ARID3C: variants seen among roughly 807,000 people sequenced by gnomAD.
ARID3C encodes AT-rich interactive domain-containing protein 3C.
In ARID3C, 42 loss-of-function variants were observed where a neutral mutation model predicts 37.9. That is an observed-to-expected ratio of 1.11 (90% CI 0.87 to 1.43). The LOEUF (loss-of-function observed/expected upper bound fraction) is 1.43. ARID3C is among the 40% of genes most tolerant of loss of function. The pLI, the probability that ARID3C is intolerant of heterozygous loss-of-function variation, is 0.00. For missense variants in ARID3C, 581 were observed against 548.8 expected, an observed-to-expected ratio of 1.06 and a Z score of -0.59; for synonymous variants, 213 against 228.0, an observed-to-expected ratio of 0.93 and a Z score of 0.59.
chr9:34,623,591 C>T (rs1394190697), exon 4 of ARID3C: 1 of 1,608,622 alleles, frequency 6.2e-7, no homozygotes, highest in East Asian at 2.2e-5. Context: ...AGCCGAAGAG[C>T]GGAGTAGCGG....
At chr9:34,623,991 G>C in exon 3 of ARID3C, 4 of 1,603,316 alleles carry the variant, frequency 2.5e-6, no homozygotes, top group Non-Finnish European at 3.4e-6. Context: ...AGGCGAAACA[G>C]AGCGTACAGG....
At chr9:34,628,156 T>C (rs571700582), upstream of ARID3C, 28 of 1,184,774 alleles carry the variant, frequency 2.4e-5, no homozygotes, top group African/African-American at 2.8e-4. This position sits in a 1 kb window ranked among gnomAD's most constrained non-coding sequence, Gnocchi z 5.2. Context: ...GGGGAGGTGG[T>C]CATGGATTCA....
At chr9:34,628,894 G>T (rs112705561), upstream of ARID3C, among the ~76,000 whole-genome samples, 17,218 of 152,030 alleles carry the variant, frequency 0.11, 1,613 homozygotes, top group African/African-American at 0.25. The surrounding 1 kb of genome is among the most constrained non-coding windows in gnomAD (Gnocchi z 5.2). Flanking sequence ...CCCTCGCTCC[G>T]GGCGCCCCGC....
chr9:34,624,488 T>C (rs968313709), intron 2 of ARID3C, among the ~76,000 whole-genome samples: 1 of 152,250 alleles, frequency 6.6e-6, no homozygotes, highest in African/African-American at 2.4e-5. Context: ...TTTAGTTTGC[T>C]GTCCCCTGGG....
chr9:34,623,852 C>T lies in ARID3C; in HGVS notation c.575+12G>A, dbSNP rs1220406747. The T allele has an allele frequency of 5.1e-6, 8 of 1,582,410 alleles. No homozygotes were observed. Among genetic ancestry groups the T allele is most frequent in the South Asian group, 1.1e-5 (1 of 88,760 alleles). On this transcript the variant is annotated intron_variant, in intron 3 of 6. Coordinates refer to ENST00000378909, the Ensembl canonical transcript of ARID3C. ...GTGCCCCCTTCCCTTCCGCTCCCGC[C>T]CCTGGCCTCACTGGGTGCGTAGAGT...
chr9:34,632,333 G>A (rs1193449868), upstream of ARID3C, among the ~76,000 whole-genome samples: 1 of 152,178 alleles, frequency 6.6e-6, no homozygotes, highest in Non-Finnish European at 1.5e-5. Flanking sequence ...TGGAAGAAAA[G>A]CAAGGAGGCC....
rs904450391 is a variant in ARID3C at position 34,628,057 on chromosome 9, T to A, written c.-43A>T. 1 of 1,447,444 alleles carries A rather than the reference T, an allele frequency of 6.9e-7. No individual in the cohort carries two copies. Among genetic ancestry groups the A allele is most frequent in the Admixed American group, 2.8e-5 (1 of 35,390 alleles). The allele number at this position is 1,447,444 out of a possible 1,614,324, so 89.7% of individuals were successfully genotyped here. On this transcript the variant is annotated 5_prime_UTR_variant, in exon 1 of 7. Transcript: ENST00000378909. This position sits in a 1 kb window ranked among gnomAD's most constrained non-coding sequence, Gnocchi z 5.2. ...GTCCCCCAGCTGAGGGGGTCCCTGG[T>A]ACCAGGCGGGACCCCGAGGAAAGGG...
Position 34,627,912 on chromosome 9 carries a change from G to A in ARID3C, c.103C>T (p.His35Tyr). 1 of 1,558,724 alleles carries A rather than the reference G, an allele frequency of 6.4e-7. No individual in the cohort carries two copies. The highest frequency in any genetic ancestry group is 8.7e-7 in the Non-Finnish European group (1 of 1,150,748). Residue 35 changes from histidine to tyrosine, a missense_variant, in exon 1 of 7, where the codon CAC becomes TAC. His to Tyr is a moderately conservative substitution (Grantham distance 83). Transcript: ENST00000378909. The stretch of plus-strand genomic sequence containing the variant: ...CCCTCAGGGGCCTGTAGGGTCCGGT[G>A]GTCAGGCAGGGGAGGCTGCGGTGGC...
At chr9:34,628,633 G>A (rs549965070), upstream of ARID3C, among the ~76,000 whole-genome samples, 1 of 152,110 alleles carries the variant, frequency 6.6e-6, no homozygotes, top group African/African-American at 2.4e-5. The surrounding 1 kb of genome is among the most constrained non-coding windows in gnomAD (Gnocchi z 5.2). Context: ...AGACAGAGGC[G>A]GAGATAGACA....
chr9:34,631,316 G>T (rs1237568713), upstream of ARID3C, among the ~76,000 whole-genome samples: 1 of 152,142 alleles, frequency 6.6e-6, no homozygotes, highest in Admixed American at 6.5e-5. Flanking sequence ...CCACTTTTGG[G>T]GTCTGGGCCA....
chr9:34,632,624 G>A (rs755378968), upstream of ARID3C, among the ~76,000 whole-genome samples: 4 of 152,136 alleles, frequency 2.6e-5, no homozygotes, highest in African/African-American at 4.8e-5. Flanking sequence ...AGGTGAGAAG[G>A]CATGATTAGA....
rs1181604037 is a variant in ARID3C, at chr9:34,628,061, A to T, written c.-47T>A. 3 of 1,445,550 alleles carry T rather than the reference A, an allele frequency of 2.1e-6. No individual in the cohort carries two copies. In the African/African-American group the frequency reaches 4.3e-5, roughly 21 times the overall value. 89.5% of individuals were successfully genotyped at this position (1,445,550 alleles called of 1,614,324 possible). The stretch of plus-strand genomic sequence containing the variant: ...CCCAGCTGAGGGGGTCCCTGGTACC[A>T]GGCGGGACCCCGAGGAAAGGGCCGC... On this transcript the variant is annotated 5_prime_UTR_variant, in exon 1 of 7. Transcript: ENST00000378909. This position sits in a 1 kb window ranked among gnomAD's most constrained non-coding sequence, Gnocchi z 5.2.
At chr9:34,623,488 C>T (rs1371675931) in exon 4 of ARID3C, 1 of 1,544,816 alleles carries the variant, frequency 6.5e-7, no homozygotes, top group African/African-American at 1.4e-5. Flanking sequence ...GAGGTGGAAC[C>T]CTGGGCTGGG....
At chr9:34,623,403 C>T in intron 4 of ARID3C, 22 bp downstream of exon 5, 1 of 1,483,912 alleles carries the variant, frequency 6.7e-7, no homozygotes, top group Admixed American at 2.4e-5. Context: ...ACCCCGAAAC[C>T]TCTACCATTC....
chr9:34,623,984 C>T (rs764466864), exon 3 of ARID3C: 1 of 1,603,624 alleles, frequency 6.2e-7, no homozygotes, highest in Non-Finnish European at 8.5e-7. Context: ...GGTCACCAGG[C>T]GAAACAGAGC....
intron 4 of ARID3C, among the ~76,000 whole-genome samples, chr9:34,623,170 A>C (rs1302988317): frequency 6.6e-6 from 1 of 151,278 alleles, no homozygotes; most frequent in Non-Finnish European, 1.5e-5. Flanking sequence ...AAAAGAAAAA[A>C]AGAAAAAAAA....
chr9:34,621,593 A>C, intron 6 of ARID3C, 35 bp from the exon 8 acceptor site: 1 of 1,480,854 alleles, frequency 6.8e-7, no homozygotes, highest in East Asian at 2.4e-5. Context: ...AGAGGGCAAA[A>C]ACAAGCAGGA....
intron 4 of ARID3C, among the ~76,000 whole-genome samples, chr9:34,623,211 T>G (rs984725857): frequency 6.7e-6 from 1 of 149,960 alleles, no homozygotes; most frequent in Non-Finnish European, 1.5e-5. Context: ...GCCCCTACAC[T>G]TCAGTAACCC....
At chr9:34,621,940 G>A in intron 6 of ARID3C, 80 bp downstream of exon 7, 1 of 1,368,698 alleles carries the variant, frequency 7.3e-7, no homozygotes, top group Middle Eastern at 1.8e-4. Context: ...CTTCATGCTA[G>A]TAGAGGAAGT....
Sources: allele counts gnomAD v4.1 joint callset (sites outside exome capture counted in the v4.1 genomes callset), GRCh38; gene constraint gnomAD v4.1.1; non-coding constraint Gnocchi (gnomAD v3.1); transcripts MANE v1.5; gene names NCBI Gene and HGNC (gene_info 2026-07-23, HGNC 2026-07-21).